The following MGAT4C variants were observed in gnomAD, a reference collection of about 807,000 sequenced individuals.
MGAT4C encodes the protein MGAT4 family member C, also known as alpha-1,3-mannosyl-glycoprotein 4-beta-N-acetylglucosaminyltransferase C.
Under a neutral mutation model 40.1 loss-of-function variants are expected in MGAT4C, and 19 were observed. The observed-to-expected ratio is 0.47, with a 90% CI of 0.33 to 0.70. The LOEUF is 0.70. Ranked by LOEUF, MGAT4C falls within the 30% of genes least tolerant of loss-of-function variation. MGAT4C has a pLI of 0.02. For synonymous variants in MGAT4C, 181 were observed against 187.1 expected (o/e 0.97, Z 0.27); for missense variants, 491 against 563.2 (o/e 0.87, Z 1.30).
At chr12:86,268,664 C>CAT (rs35503864) in intron 4 of MGAT4C, among the ~76,000 whole-genome samples, 95,793 of 143,618 alleles carry the variant, frequency 0.67, 32,030 homozygotes, top group South Asian at 0.76. Flanking sequence ...ATATTAACTA[C>CAT]ATATATATAT....
chr12:86,771,675 C>T (rs1339635485), intron 1 of MGAT4C, among the ~76,000 whole-genome samples: 4 of 144,780 alleles, frequency 2.8e-5, no homozygotes, highest in Non-Finnish European at 6.0e-5. Context: ...AAAAAAAGTA[C>T]ATAAATATAT....
At chr12:86,574,063 T>TA (rs75521369) in intron 2 of MGAT4C, among the ~76,000 whole-genome samples, 9 of 150,646 alleles carry the variant, frequency 6.0e-5, no homozygotes, top group Admixed American at 1.3e-4. Context: ...TTTCATTTCC[T>TA]AAAAAAAAAC....
chr12:86,068,474 C>A (rs549831662), intron 1 of MGAT4C: 1 of 150,930 alleles, frequency 6.6e-6, no homozygotes, highest in African/African-American at 2.4e-5. Flanking sequence ...TCTTATTTTT[C>A]AGAGTTGATG....
At chr12:86,524,929 T>C (rs937330325) in intron 2 of MGAT4C, among the ~76,000 whole-genome samples, 6 of 152,232 alleles carry the variant, frequency 3.9e-5, no homozygotes, top group Non-Finnish European at 8.8e-5. Flanking sequence ...GTTACATTGT[T>C]TTCTATAATG....
chr12:86,364,025 C>T (rs1955539946), intron 3 of MGAT4C, among the ~76,000 whole-genome samples: 1 of 151,534 alleles, frequency 6.6e-6, no homozygotes, highest in Non-Finnish European at 1.5e-5. Context: ...AAATAGATAT[C>T]TTCAATGGTC....
At chr12:86,200,979 A>C (rs1303670793) in intron 1 of MGAT4C, among the ~76,000 whole-genome samples, 1 of 152,192 alleles carries the variant, frequency 6.6e-6, no homozygotes, top group Non-Finnish European at 1.5e-5. Flanking sequence ...AGGCTTAACC[A>C]GAAACCAATT....
At chr12:86,152,027 G>C (rs1051534149) in intron 1 of MGAT4C, among the ~76,000 whole-genome samples, 2 of 152,164 alleles carry the variant, frequency 1.3e-5, no homozygotes, top group Non-Finnish European at 2.9e-5. Context: ...CAATCCTGTT[G>C]GTACAACGAC....
intron 2 of MGAT4C, among the ~76,000 whole-genome samples, chr12:86,643,969 TTA>T (rs1248343619): frequency 6.6e-6 from 1 of 151,728 alleles, no homozygotes; most frequent in South Asian, 2.1e-4. Flanking sequence ...ATTTAATACA[TTA>T]TAGGTGGAAT....
chr12:86,509,723 C>G (rs921551678), intron 2 of MGAT4C, among the ~76,000 whole-genome samples: 13 of 152,020 alleles, frequency 8.6e-5, no homozygotes, highest in Non-Finnish European at 1.6e-4. Context: ...TGTTTGTATC[C>G]TCTTTTATTT....
intron 2 of MGAT4C, among the ~76,000 whole-genome samples, chr12:86,628,433 A>G (rs1007889938): frequency 1.3e-5 from 2 of 151,194 alleles, no homozygotes; most frequent in African/African-American, 2.4e-5. Context: ...CAACCCCAAG[A>G]CACATAATTG....
intron 2 of MGAT4C, among the ~76,000 whole-genome samples, chr12:86,517,568 T>G (rs1958715604): frequency 6.6e-6 from 1 of 152,214 alleles, no homozygotes; most frequent in South Asian, 2.1e-4. Flanking sequence ...CAGGACAAAC[T>G]TAGCACTATG....
rs73389850 is a variant in MGAT4C at position 86,564,109 on chromosome 12, C to T, written c.-228-128844G>A. ...TGAAAGATGCAGGGGTGGTGATTCC[C>T]GCCATATCCCCATTCAACTCTCCTA... On this transcript the variant is annotated intron_variant, in intron 2 of 7. Transcript: ENST00000548651. Among the ~76,000 whole-genome samples, 530 of 152,236 alleles carry T rather than the reference C, an allele frequency of 3.5e-3. 2 individuals are homozygous for T. The highest frequency in any genetic ancestry group is 0.012 in the African/African-American group (513 of 41,536).
intron 2 of MGAT4C, among the ~76,000 whole-genome samples, chr12:86,543,148 T>C (rs1959176715): frequency 6.6e-6 from 1 of 151,950 alleles, no homozygotes; most frequent in African/African-American, 2.4e-5. Flanking sequence ...AGAGCGTTGA[T>C]GAGTAAATTT....
At chr12:86,549,623 A>G (rs73389833) in intron 2 of MGAT4C, among the ~76,000 whole-genome samples, 2 of 152,360 alleles carry the variant, frequency 1.3e-5, no homozygotes, top group African/African-American at 4.8e-5. Flanking sequence ...GAGGAATGAC[A>G]AGTTTAAACT....
At chr12:86,072,679 G>T (rs1868804742) in intron 1 of MGAT4C, among the ~76,000 whole-genome samples, 1 of 152,138 alleles carries the variant, frequency 6.6e-6, no homozygotes, top group Admixed American at 6.6e-5. Context: ...AAACAGAGTG[G>T]AGGAGGATGG....
intron 1 of MGAT4C, among the ~76,000 whole-genome samples, chr12:86,088,169 CAT>C (rs1872248861): frequency 6.6e-6 from 1 of 151,898 alleles, no homozygotes; most frequent in Admixed American, 6.6e-5. Context: ...TGGCTAGCCA[CAT>C]GTAGAAGACT....
chr12:86,155,152 A>G (rs1015504451), intron 1 of MGAT4C, among the ~76,000 whole-genome samples: 1 of 152,200 alleles, frequency 6.6e-6, no homozygotes, highest in Non-Finnish European at 1.5e-5. Flanking sequence ...AAGAGCTAGG[A>G]GAATTTAGAA....
intron 2 of MGAT4C, among the ~76,000 whole-genome samples, chr12:86,693,181 G>C (rs1253777068): frequency 6.6e-6 from 1 of 152,156 alleles, no homozygotes; most frequent in Non-Finnish European, 1.5e-5. Context: ...AGGTGCAGCA[G>C]TTTCTGAAGG....
intron 1 of MGAT4C, among the ~76,000 whole-genome samples, chr12:86,795,926 T>C (rs1041420021): frequency 6.6e-6 from 1 of 152,132 alleles, no homozygotes; most frequent in African/African-American, 2.4e-5. Context: ...CAAAATCATA[T>C]GCTGCCATAT....
Sources: allele counts gnomAD v4.1 joint callset (sites outside exome capture counted in the v4.1 genomes callset), GRCh38; gene constraint gnomAD v4.1.1; transcripts MANE v1.5; gene names NCBI Gene and HGNC (gene_info 2026-07-23, HGNC 2026-07-21).